SEMA5A: variants seen among roughly 807,000 people sequenced by gnomAD.
The protein encoded by SEMA5A is semaphorin 5A, also known as semaphorin-5A.
SEMA5A carries 55 observed loss-of-function variants against 135.5 expected under a neutral mutation model. The observed-to-expected ratio is 0.41, with a 90% CI of 0.33 to 0.51. The LOEUF (loss-of-function observed/expected upper bound fraction) is 0.51. SEMA5A is among the 20% of genes least tolerant of loss of function. SEMA5A has a pLI of 0.37. For missense variants in SEMA5A, 1,290 were observed against 1,419.9 expected, an observed-to-expected ratio of 0.91 and a Z score of 1.47; for synonymous variants, 580 against 546.5, an observed-to-expected ratio of 1.06 and a Z score of -0.85.
rs1246663864 is a variant in SEMA5A at position 9,131,627 on chromosome 5, A to C, written c.1599+4877T>G. Reference sequence around the variant, plus strand: ...CATCTCAAAAAAAAAAAAAAAAAAAAAAAAAAAAAAAAAAAAAAAAAAAAA... The same window carrying C: ...CATCTCAAAAAAAAAAAAAAAAAAACAAAAAAAAAAAAAAAAAAAAAAAAA... On this transcript the variant is annotated intron_variant, in intron 13 of 22. Coordinates refer to ENST00000382496, the MANE Select transcript of SEMA5A (RefSeq NM_003966.3). Among the ~76,000 whole-genome samples the C allele has an allele frequency of 5.2e-3, 108 of 20,642 alleles. 6 individuals are homozygous for C. Among genetic ancestry groups the C allele is most frequent in the African/African-American group, 8.2e-3 (103 of 12,528 alleles). 13.5% of individuals were successfully genotyped at this position (20,642 alleles called of 152,430 possible). A position where few individuals can be genotyped will look rare whatever the true frequency, so the allele number is the denominator to read the frequency against.
At chr5:9,442,181 G>A (rs185837421) in intron 1 of SEMA5A, among the ~76,000 whole-genome samples, 1 of 152,302 alleles carries the variant, frequency 6.6e-6, no homozygotes, top group Non-Finnish European at 1.5e-5. Flanking sequence ...GTTTTGGGGG[G>A]GCTTTAGGCC....
At chr5:9,483,226 C>A (rs1166186860) in intron 1 of SEMA5A, among the ~76,000 whole-genome samples, 1 of 152,090 alleles carries the variant, frequency 6.6e-6, no homozygotes, top group East Asian at 1.9e-4. Flanking sequence ...GGGCTGTCTC[C>A]AACCCTTTCC....
chr5:9,190,390 C>G lies in SEMA5A; in HGVS notation c.1150G>C (p.Glu384Gln), dbSNP rs1380754387. The G allele has an allele frequency of 6.2e-7, 1 of 1,613,914 alleles. No individual in the cohort carries two copies. Among genetic ancestry groups the G allele is most frequent in the Non-Finnish European group, 8.5e-7 (1 of 1,180,030 alleles). ...ACTGTGGTCACTGGCTGTACCACCT[C>G]ATGCATCAGAATGAACTTCTGAGCA... ...QDAQKFILMH[E>Q]VVQPVTTVPS... Residue 384 changes from glutamate (E) to glutamine (Q), a missense_variant, in exon 11 of 23, where the codon GAG becomes CAG. Transcript: ENST00000382496.
At chr5:9,396,246 G>GCGCACACA (rs1554030585) in intron 2 of SEMA5A, among the ~76,000 whole-genome samples, 2 of 148,848 alleles carry the variant, frequency 1.3e-5, no homozygotes, top group East Asian at 2.0e-4. Flanking sequence ...GCGCGTGCGT[G>GCGCACACA]CACACACACA....
intron 11 of SEMA5A, among the ~76,000 whole-genome samples, chr5:9,163,135 G>C (rs887611543): frequency 3.9e-5 from 6 of 151,966 alleles, no homozygotes; most frequent in African/African-American, 1.5e-4. Flanking sequence ...CAGAAAACTA[G>C]TGTCTAAAGG....
chr5:9,105,832 G>C (rs1260080259), intron 16 of SEMA5A, among the ~76,000 whole-genome samples: 1 of 152,160 alleles, frequency 6.6e-6, no homozygotes, highest in Admixed American at 6.5e-5. Flanking sequence ...AACCCTTTGT[G>C]GACAAAGATT....
intron 2 of SEMA5A, among the ~76,000 whole-genome samples, chr5:9,403,871 G>T (rs1483899578): frequency 6.6e-6 from 1 of 152,162 alleles, no homozygotes; most frequent in Non-Finnish European, 1.5e-5. Context: ...GATATAGAGT[G>T]TTTACATCCA....
intron 5 of SEMA5A, among the ~76,000 whole-genome samples, chr5:9,267,054 G>C (rs1047170226): frequency 6.6e-6 from 1 of 152,218 alleles, no homozygotes; most frequent in African/African-American, 2.4e-5. Context: ...GCTCTGCCCA[G>C]CTAGAAAGTA....
At chr5:9,133,412 G>C (rs185883337) in intron 13 of SEMA5A, among the ~76,000 whole-genome samples, 1 of 152,108 alleles carries the variant, frequency 6.6e-6, no homozygotes, top group East Asian at 1.9e-4. Context: ...ATTGTCTTTT[G>C]TTGCCTTCTT....
At chr5:9,379,043 ATGCTCCTTAGACTATTCTTTCTTTTTTTG>A (rs1194109405) in intron 3 of SEMA5A, among the ~76,000 whole-genome samples, 2 of 152,162 alleles carry the variant, frequency 1.3e-5, no homozygotes, top group African/African-American at 4.8e-5. Context: ...GTGGGGCTGC[ATGCTCCTTAGACTATTCTTTCTTTTTTTG>A]TGCTCCTTAG....
At chr5:9,326,466 C>G (rs113556700) in intron 4 of SEMA5A, among the ~76,000 whole-genome samples, 17,152 of 152,012 alleles carry the variant, frequency 0.11, 1,081 homozygotes, top group South Asian at 0.19. Context: ...GTTGGCCAGG[C>G]TGGTCTTGAA....
At chr5:9,305,954 G>A (rs1751849213) in intron 5 of SEMA5A, among the ~76,000 whole-genome samples, 1 of 152,024 alleles carries the variant, frequency 6.6e-6, no homozygotes, top group Non-Finnish European at 1.5e-5. Context: ...GGAAGATCTG[G>A]GTTCTAACTG....
At chr5:9,284,936 AG>A (rs1750727623) in intron 5 of SEMA5A, among the ~76,000 whole-genome samples, 1 of 152,182 alleles carries the variant, frequency 6.6e-6, no homozygotes, top group Non-Finnish European at 1.5e-5. Context: ...TAACACAGGA[AG>A]GGGGCACCCC....
chr5:9,202,787 A>C (rs1745790671), intron 8 of SEMA5A, among the ~76,000 whole-genome samples: 1 of 152,128 alleles, frequency 6.6e-6, no homozygotes. Context: ...TAAAGACTAA[A>C]ACTATAAGGT....
At position 9,366,668 on chromosome 5, in the gene SEMA5A, G is replaced by A. The variant is rs187167935; in HGVS notation, c.124+13155C>T. ...CTCCCAAAGTGCTGGGATTACAGGC[G>A]TGAGCCACCGCTCCCAGCCACAATA... On this transcript the variant is annotated intron_variant, in intron 3 of 22. Transcript: ENST00000382496. 4.4e-4 allele frequency among the ~76,000 whole-genome samples: 67 copies of A among 152,312 alleles called. 2 individuals are homozygous for A. The East Asian group carries it at 0.012, about 27-fold the overall frequency.
chr5:9,110,635 T>G (rs1326284071), intron 15 of SEMA5A, among the ~76,000 whole-genome samples: 1 of 152,154 alleles, frequency 6.6e-6, no homozygotes, highest in Non-Finnish European at 1.5e-5. Context: ...CACTCTTACT[T>G]CCAGGGAGAG....
chr5:9,293,846 A>G (rs988175448), intron 5 of SEMA5A, among the ~76,000 whole-genome samples: 2 of 152,164 alleles, frequency 1.3e-5, no homozygotes, highest in Admixed American at 6.5e-5. Context: ...AAAAGTGAAT[A>G]CATAATTAAA....
At chr5:9,147,139 C>T (rs16882096) in intron 12 of SEMA5A, among the ~76,000 whole-genome samples, 16,531 of 152,096 alleles carry the variant, frequency 0.11, 1,329 homozygotes, top group East Asian at 0.3. Flanking sequence ...ACCTTTAGAG[C>T]AATAAACATC....
At chr5:9,317,339 C>T (rs768987504) in intron 5 of SEMA5A, among the ~76,000 whole-genome samples, 31 of 151,920 alleles carry the variant, frequency 2.0e-4, no homozygotes, top group Non-Finnish European at 4.0e-4. Flanking sequence ...TTATTTTTCG[C>T]CATGCTAGTA....
Sources: gnomAD v4.1 joint callset for allele counts (sites outside exome capture counted in the v4.1 genomes callset) on GRCh38, gnomAD v4.1.1 for gene constraint, MANE v1.5 for transcripts, NCBI Gene and HGNC (gene_info 2026-07-23, HGNC 2026-07-21) for gene names.